The following IFT57 variants were observed in gnomAD, a reference collection of about 807,000 sequenced individuals.
The protein encoded by IFT57 is intraflagellar transport protein 57 homolog.
A neutral mutation model predicts 56.8 loss-of-function variants in IFT57; 59 were observed. The ratio of observed to expected loss-of-function variants is 1.04; its 90% CI spans 0.84 to 1.29. The LOEUF (loss-of-function observed/expected upper bound fraction) is 1.29, where lower values mean the gene tolerates loss of function less well. IFT57 is among the 50% of genes most tolerant of loss of function. The pLI is 0.00. For missense variants in IFT57, 470 were observed against 522.1 expected, an observed-to-expected ratio of 0.90 and a Z score of 0.97; for synonymous variants, 209 against 186.1, an observed-to-expected ratio of 1.12 and a Z score of -1.00.
Position 108,166,706 on chromosome 3 carries a change from C to T in IFT57, c.981+148G>A, listed in dbSNP as rs1012922858. 8 of 585,194 alleles carry T rather than the reference C, an allele frequency of 1.4e-5. No homozygotes were observed. The African/African-American group carries it at 1.5e-4, about 11-fold the overall frequency. 36.3% of individuals were successfully genotyped at this position (585,194 alleles called of 1,614,324 possible). On this transcript the variant is annotated intron_variant, in intron 8 of 10. Transcript: ENST00000264538. ...GTGAAATGGAAATAAGTTCACTCGG[C>T]TCTCTTGGCTTCCTAAAGTGGGCAG...
chr3:108,185,834 A>G (rs528418875), intron 6 of IFT57, among the ~76,000 whole-genome samples: 1 of 152,268 alleles, frequency 6.6e-6, no homozygotes, highest in East Asian at 1.9e-4. Context: ...TTGTGCAAGA[A>G]AAGGGCCTAG....
At chr3:108,221,017 T>C (rs1373880366) in intron 1 of IFT57, among the ~76,000 whole-genome samples, 1 of 152,246 alleles carries the variant, frequency 6.6e-6, no homozygotes, top group African/African-American at 2.4e-5. Flanking sequence ...GTCTATATTA[T>C]CCTGATCAAT....
chr3:108,187,825 A>G (rs182946271), intron 6 of IFT57, among the ~76,000 whole-genome samples: 48 of 151,708 alleles, frequency 3.2e-4, no homozygotes, highest in African/African-American at 1.1e-3. Flanking sequence ...CCCCAAAATA[A>G]TACATTTCTT....
At chr3:108,209,982 T>C (rs190467855) in intron 4 of IFT57, among the ~76,000 whole-genome samples, 4 of 152,130 alleles carry the variant, frequency 2.6e-5, no homozygotes, top group East Asian at 1.9e-4. Context: ...AACTAATTCA[T>C]AGAAAAAGGA....
chr3:108,196,409 G>A (rs962489512), intron 5 of IFT57, among the ~76,000 whole-genome samples: 3 of 152,116 alleles, frequency 2.0e-5, no homozygotes, highest in Admixed American at 1.3e-4. Context: ...TACTCAAAAT[G>A]TTTTACTGAA....
At chr3:108,221,405 T>TG (rs1406797210) in intron 1 of IFT57, among the ~76,000 whole-genome samples, 2 of 152,226 alleles carry the variant, frequency 1.3e-5, no homozygotes, top group Non-Finnish European at 2.9e-5. Flanking sequence ...GTAATGGCAT[T>TG]GCTTTCAGGA....
intron 6 of IFT57, among the ~76,000 whole-genome samples, chr3:108,170,168 G>C (rs997492650): frequency 6.6e-6 from 1 of 151,994 alleles, no homozygotes; most frequent in African/African-American, 2.4e-5. Context: ...GCAATAGAAA[G>C]AAATAAAGGG....
intron 6 of IFT57, among the ~76,000 whole-genome samples, chr3:108,173,422 A>G (rs1399073436): frequency 6.6e-6 from 1 of 151,700 alleles, no homozygotes; most frequent in Non-Finnish European, 1.5e-5. Flanking sequence ...TTGCTTCTCA[A>G]CTTAAGATGG....
chr3:108,191,066 C>T (rs1011914118), intron 6 of IFT57, among the ~76,000 whole-genome samples: 2 of 152,198 alleles, frequency 1.3e-5, no homozygotes, highest in Non-Finnish European at 2.9e-5. Context: ...GTTGGGATTA[C>T]AAACGTGAGC....
chr3:108,199,595 C>T (rs541091520), intron 5 of IFT57, among the ~76,000 whole-genome samples: 1 of 152,094 alleles, frequency 6.6e-6, no homozygotes, highest in South Asian at 2.1e-4. Context: ...TGTCCTCCAG[C>T]CAGAAAAGAA....
intron 2 of IFT57, 48 bp downstream of exon 2, chr3:108,219,362 A>C (rs1194153522): frequency 1.3e-6 from 2 of 1,503,492 alleles, no homozygotes; most frequent in African/African-American, 2.8e-5. Flanking sequence ...ACCAGTATTA[A>C]AATTCATAAC....
intron 5 of IFT57, among the ~76,000 whole-genome samples, chr3:108,199,544 T>C (rs563425480): frequency 4.4e-4 from 67 of 152,298 alleles, no homozygotes; most frequent in African/African-American, 1.6e-3. Flanking sequence ...GTTAAGTACA[T>C]TGTGAAAGAC....
At position 108,222,143 on chromosome 3, in the gene IFT57, G is replaced by A; in HGVS notation, c.180C>T (p.Phe60=). The A allele has an allele frequency of 6.2e-7, 1 of 1,612,280 alleles. No individual in the cohort carries two copies. ...KLKLLRYEEE[F]LRKSNLKAPS... is the part of the protein sequence containing the mutation. ...GGGCCTTCAGGTTGCTCTTCCGGAGGAACTCCTCCTCGTAGCGGAGCAGCT... is the reference window on the plus strand; with the variant it reads ...GGGCCTTCAGGTTGCTCTTCCGGAGAAACTCCTCCTCGTAGCGGAGCAGCT... The change falls in exon 1 of 11, where the codon TTC becomes TTT. Residue 60 remains phenylalanine, a synonymous_variant. Coordinates refer to ENST00000264538, the MANE Select transcript of IFT57 (RefSeq NM_018010.4).
At chr3:108,219,949 G>C (rs149031748) in intron 1 of IFT57, among the ~76,000 whole-genome samples, 20 of 152,188 alleles carry the variant, frequency 1.3e-4, no homozygotes, top group Non-Finnish European at 2.2e-4. Flanking sequence ...GTTTAAAAAA[G>C]ACCTCAACGA....
rs114492529 is a variant in IFT57, at chr3:108,167,974, G to A, written c.778-110C>T. 131 of 655,108 alleles carry A rather than the reference G, an allele frequency of 2.0e-4. No individual in the cohort carries two copies. The African/African-American group carries it at 2.3e-3, about 11-fold the overall frequency. The allele number at this position is 655,108 out of a possible 1,614,324, so 40.6% of individuals were successfully genotyped here. On this transcript the variant is annotated intron_variant, in intron 6 of 10. Transcript: ENST00000264538. ...TTACTTTGGTTCCTGCCCTATTTCAGGTGGGATAGCCCTATTTATAGCTTG... is the reference window on the plus strand; with the variant it reads ...TTACTTTGGTTCCTGCCCTATTTCAAGTGGGATAGCCCTATTTATAGCTTG...
At chr3:108,175,344 A>G (rs965310250) in intron 6 of IFT57, among the ~76,000 whole-genome samples, 27 of 151,842 alleles carry the variant, frequency 1.8e-4, no homozygotes, top group Non-Finnish European at 4.0e-4. Flanking sequence ...CTCATATGAA[A>G]TCACATGTAT....
Position 108,179,478 on chromosome 3 carries a change from T to C in IFT57, c.778-11614A>G, listed in dbSNP as rs537597614. 2.7e-4 allele frequency among the ~76,000 whole-genome samples: 41 copies of C among 152,156 alleles called. 3 individuals are homozygous for C. Among genetic ancestry groups the C allele is most frequent in the African/African-American group, 9.1e-4 (38 of 41,550 alleles). On this transcript the variant is annotated intron_variant, in intron 6 of 10. Coordinates refer to ENST00000264538, the MANE Select transcript of IFT57 (RefSeq NM_018010.4). ...TCTGCAAGGATATGAGCAGCATATTTCTGTCCTCCACAGAAAATCCTCCCT... is the reference window on the plus strand; with the variant it reads ...TCTGCAAGGATATGAGCAGCATATTCCTGTCCTCCACAGAAAATCCTCCCT...
chr3:108,176,748 C>G (rs2080126026), intron 6 of IFT57, among the ~76,000 whole-genome samples: 1 of 151,830 alleles, frequency 6.6e-6, no homozygotes, highest in Admixed American at 6.6e-5. Context: ...GTGTTATCCA[C>G]TTTAGTTACT....
In IFT57 at chr3:108,216,279, C is replaced by G. The variant is rs562120704; in HGVS notation, c.494+2256G>C. Among the ~76,000 whole-genome samples the G allele has an allele frequency of 2.0e-5, 3 of 152,018 alleles. No homozygotes were observed. The South Asian group carries it at 6.2e-4, about 32-fold the overall frequency. ...AAGCAACTCAATAGCAAAACAACAA[C>G]AAAAAAACTAGTCTAATTTTTAAAA... On this transcript the variant is annotated intron_variant, in intron 3 of 10. Coordinates refer to ENST00000264538, the MANE Select transcript of IFT57 (RefSeq NM_018010.4).
Sources: gnomAD v4.1 joint callset for allele counts (sites outside exome capture counted in the v4.1 genomes callset) on GRCh38, gnomAD v4.1.1 for gene constraint, MANE v1.5 for transcripts, NCBI Gene and HGNC (gene_info 2026-07-23, HGNC 2026-07-21) for gene names.